Variants in DCDC1 observed in about 807,000 individuals in gnomAD.
The protein encoded by DCDC1 is doublecortin domain containing 1.
Under a neutral mutation model 178.3 loss-of-function variants are expected in DCDC1, and 200 were observed. That is an observed-to-expected ratio of 1.12 (90% CI 1.00 to 1.26). DCDC1 has a LOEUF of 1.26. Among genes scored for constraint, DCDC1 ranks in the 50% most tolerant of loss-of-function variants. The probability of loss-of-function intolerance (pLI) is 0.00; values close to 1 mark genes in which losing one functional copy is unlikely to be tolerated. For missense variants in DCDC1, 1,983 were observed against 1,749.2 expected (o/e 1.13, Z -2.38); for synonymous variants, 690 against 604.8 (o/e 1.14, Z -2.07).
intron 9 of DCDC1, among the ~76,000 whole-genome samples, chr11:31,201,729 A>C (rs1971308932): frequency 2.0e-5 from 3 of 152,146 alleles, no homozygotes; most frequent in Admixed American, 2.0e-4. Context: ...CCACATTAAG[A>C]AAAATAAGAT....
chr11:31,148,392 C>CA (rs1308757381), intron 9 of DCDC1, among the ~76,000 whole-genome samples: 1 of 151,596 alleles, frequency 6.6e-6, no homozygotes, highest in African/African-American at 2.4e-5. Flanking sequence ...ACCAAAAATA[C>CA]AAAAAACTAG....
chr11:30,870,382 C>A (rs1213142132), intron 38 of DCDC1, among the ~76,000 whole-genome samples: 1 of 152,166 alleles, frequency 6.6e-6, no homozygotes, highest in East Asian at 1.9e-4. Context: ...CTATTTCCAA[C>A]TCAAAGCACA....
At chr11:31,273,622 T>C (rs998874618) in intron 7 of DCDC1, among the ~76,000 whole-genome samples, 5 of 152,202 alleles carry the variant, frequency 3.3e-5, no homozygotes, top group African/African-American at 1.2e-4. Flanking sequence ...TGTCCTATCT[T>C]CTTTTGAGCT....
chr11:31,311,884 G>A (rs568927944), intron 3 of DCDC1, among the ~76,000 whole-genome samples: 2 of 152,270 alleles, frequency 1.3e-5, no homozygotes, highest in Non-Finnish European at 2.9e-5. Context: ...AAGAGTCACA[G>A]CTGTTTCCAC....
chr11:31,000,882 A>T (rs1257113962), intron 20 of DCDC1, among the ~76,000 whole-genome samples: 1 of 152,126 alleles, frequency 6.6e-6, no homozygotes. Context: ...AGTCCCATAT[A>T]CCCTTCACCC....
chr11:31,345,934 A>C (rs1439413429), intron 1 of DCDC1, among the ~76,000 whole-genome samples: 1 of 152,190 alleles, frequency 6.6e-6, no homozygotes, highest in South Asian at 2.1e-4. Flanking sequence ...ATGAGATGAA[A>C]AGACAAAGGG....
At chr11:30,894,211 G>T (rs368923178) in intron 35 of DCDC1, 37 bp downstream of exon 35, 22 of 1,588,400 alleles carry the variant, frequency 1.4e-5, no homozygotes, top group Non-Finnish European at 1.8e-5. Context: ...CATAAAAAGG[G>T]CAGAGTCTTT....
At position 30,996,081 on chromosome 11, in the gene DCDC1, C is replaced by T. The variant is rs552065913; in HGVS notation, c.2592-43513G>A. On this transcript the variant is annotated intron_variant, in intron 20 of 38. Transcript: ENST00000684477. The stretch of plus-strand genomic sequence containing the variant: ...CTAAAATTCAGCAATAAGAAACAAC[C>T]CAATTTTAAAAAGGGCAAATGATCT... 1.1e-4 allele frequency among the ~76,000 whole-genome samples: 17 copies of T among 152,050 alleles called. No homozygotes were observed. The South Asian group carries it at 2.5e-3, about 22-fold the overall frequency.
rs71451193 is a variant in DCDC1 at position 30,968,711 on chromosome 11, TTATATA to T, written c.2592-16149_2592-16144del. Among the ~76,000 whole-genome samples the T allele has an allele frequency of 2.9e-4, 18 of 61,046 alleles. 1 individual carries two copies. Among genetic ancestry groups the T allele is most frequent in the East Asian group, 6.7e-4 (2 of 2,966 alleles). The allele number at this position is 61,046 out of a possible 152,430, so 40.0% of individuals were successfully genotyped here. A position where few individuals can be genotyped will look rare whatever the true frequency, so the allele number is the denominator to read the frequency against. On this transcript the variant is annotated intron_variant, in intron 20 of 38. Transcript: ENST00000684477. ...TATATCAAATTATATATATATCAAA[TTATATA>T]TATATATATATATATATATGGTTTG...
At chr11:30,868,730 C>G (rs1941254757) in intron 38 of DCDC1, among the ~76,000 whole-genome samples, 1 of 152,218 alleles carries the variant, frequency 6.6e-6, no homozygotes, top group Admixed American at 6.5e-5. Flanking sequence ...CAGCAGAGAT[C>G]AGTCTGGGTC....
At chr11:30,963,513 A>T (rs768053901) in intron 20 of DCDC1, among the ~76,000 whole-genome samples, 7 of 152,068 alleles carry the variant, frequency 4.6e-5, no homozygotes, top group Non-Finnish European at 1.0e-4. Context: ...CTGGCCAGAT[A>T]GGTTGTGAGT....
chr11:31,212,560 A>G (rs576094908), intron 9 of DCDC1, among the ~76,000 whole-genome samples: 101 of 152,264 alleles, frequency 6.6e-4, no homozygotes, highest in Non-Finnish European at 1.2e-3. Flanking sequence ...TGAACAATAA[A>G]CCTACAGAAA....
At chr11:31,202,228 G>C (rs1024795978) in intron 9 of DCDC1, among the ~76,000 whole-genome samples, 1 of 152,070 alleles carries the variant, frequency 6.6e-6, no homozygotes, top group African/African-American at 2.4e-5. Context: ...CTCAATACTA[G>C]CCATTCTCTT....
At chr11:31,286,020 G>A (rs1433420242) in intron 7 of DCDC1, among the ~76,000 whole-genome samples, 3 of 152,142 alleles carry the variant, frequency 2.0e-5, no homozygotes, top group African/African-American at 7.2e-5. Context: ...AGAAGTACAG[G>A]AGAACAAGCA....
Position 31,241,764 on chromosome 11 carries a change from G to A in DCDC1, c.1055-148C>T, listed in dbSNP as rs17704319. On this transcript the variant is annotated intron_variant, in intron 8 of 38. Transcript: ENST00000684477. ...TAAGTCTTAGAGAGGCAATTCCTGC[G>A]TTACTAGTGGCCACCATGAAGGATG... is the stretch of plus-strand genomic sequence containing the variant. The A allele has an allele frequency of 4.2e-3, 1,606 of 384,162 alleles. 3 individuals are homozygous for A. The highest frequency in any genetic ancestry group is 0.011 in the South Asian group (75 of 6,900). 23.8% of individuals were successfully genotyped at this position (384,162 alleles called of 1,614,324 possible).
chr11:30,888,122 GAA>G (rs1230607892), intron 36 of DCDC1, among the ~76,000 whole-genome samples: 7 of 135,652 alleles, frequency 5.2e-5, no homozygotes, highest in African/African-American at 2.0e-4. Context: ...AAGAAAGAAA[GAA>G]AGAAAGAAAG....
intron 20 of DCDC1, among the ~76,000 whole-genome samples, chr11:30,959,555 C>T (rs1312537492): frequency 6.6e-6 from 1 of 152,058 alleles, no homozygotes; most frequent in African/African-American, 2.4e-5. Context: ...TCCTTCATAC[C>T]CACTGAACTA....
At chr11:31,363,640 C>T (rs1459326281) in intron 1 of DCDC1, among the ~76,000 whole-genome samples, 1 of 152,088 alleles carries the variant, frequency 6.6e-6, no homozygotes, top group Non-Finnish European at 1.5e-5. Context: ...TTCCATAACA[C>T]CCTGGAAACA....
chr11:30,899,405 T>G (rs1163793503), intron 34 of DCDC1, 136 bp downstream of exon 34: 27 of 504,562 alleles, frequency 5.4e-5, no homozygotes, highest in Non-Finnish European at 8.2e-5. Context: ...AAATGATTTC[T>G]GTAAAACAAT....
Sources: gnomAD v4.1 joint callset for allele counts (sites outside exome capture counted in the v4.1 genomes callset) on GRCh38, gnomAD v4.1.1 for gene constraint, MANE v1.5 for transcripts, NCBI Gene and HGNC (gene_info 2026-07-23, HGNC 2026-07-21) for gene names.